The following SMURF1 variants were observed in gnomAD, a reference collection of about 807,000 sequenced individuals.
SMURF1 encodes the protein E3 ubiquitin-protein ligase SMURF1.
In SMURF1, 44 loss-of-function variants were observed where a neutral mutation model predicts 98.0. That is an observed-to-expected ratio of 0.45 (90% CI 0.35 to 0.58). SMURF1 has a LOEUF of 0.58. Among genes scored for constraint, SMURF1 ranks in the 20% least tolerant of loss-of-function variants. SMURF1 has a pLI of 0.00. For synonymous variants in SMURF1, 396 were observed against 374.9 expected (o/e 1.06, Z -0.65); for missense variants, 687 against 938.4 (o/e 0.73, Z 3.50).
chr7:99,055,547 G>C (rs1795857821), intron 5 of SMURF1, among the ~76,000 whole-genome samples: 1 of 152,036 alleles, frequency 6.6e-6, no homozygotes, highest in Non-Finnish European at 1.5e-5. Flanking sequence ...GTGTTGCCCA[G>C]GCTGGCCTCA....
At chr7:99,030,764 A>G (rs894695608) in intron 17 of SMURF1, 81 bp from the exon 18 acceptor site, 2 of 941,678 alleles carry the variant, frequency 2.1e-6, no homozygotes, top group Non-Finnish European at 3.3e-6. Flanking sequence ...GGCAGTGAGA[A>G]GTATATGTGG....
chr7:99,117,062 T>C (rs947216219), intron 1 of SMURF1, among the ~76,000 whole-genome samples: 6 of 152,074 alleles, frequency 3.9e-5, no homozygotes, highest in Non-Finnish European at 5.9e-5. Context: ...GTCAATTTTT[T>C]TTTTCAAGAG....
At position 99,052,496 on chromosome 7, in the gene SMURF1, A is replaced by C. The variant is rs142086403; in HGVS notation, c.480-50T>G. On this transcript the variant is annotated intron_variant, in intron 6 of 17. Coordinates refer to ENST00000361368, the MANE Select transcript of SMURF1 (RefSeq NM_181349.3). ...CATGGTGTCACCATGGAGGAGTCACAAGACCAGCGCCTTAGGGCTAGTGTC... is the reference window on the plus strand; with the variant it reads ...CATGGTGTCACCATGGAGGAGTCACCAGACCAGCGCCTTAGGGCTAGTGTC... The C allele has an allele frequency of 1.4e-4, 207 of 1,471,766 alleles. No individual in the cohort carries two copies. In the African/African-American group the frequency reaches 2.6e-3, roughly 18 times the overall value. The allele number at this position is 1,471,766 out of a possible 1,614,324, so 91.2% of individuals were successfully genotyped here.
At chr7:99,082,420 C>A (rs1480147639) in intron 1 of SMURF1, among the ~76,000 whole-genome samples, 1 of 152,168 alleles carries the variant, frequency 6.6e-6, no homozygotes, top group East Asian at 1.9e-4. Flanking sequence ...CAATTTCATT[C>A]TTTTACATGT....
chr7:99,143,843 G>C lies in SMURF1; in HGVS notation c.-63C>G. On this transcript the variant is annotated 5_prime_UTR_variant, in exon 1 of 18. Transcript: ENST00000361368. The stretch of plus-strand genomic sequence containing the variant: ...ACCGCCCCCCAGCCCGGCCCGGCCC[G>C]GCCCCGCCGCCGCCGCCTCAAGGTT... 3 of 1,416,542 alleles carry C rather than the reference G, an allele frequency of 2.1e-6. No homozygotes were observed. Among genetic ancestry groups the C allele is most frequent in the Non-Finnish European group, 2.8e-6 (3 of 1,073,268 alleles). The allele number at this position is 1,416,542 out of a possible 1,614,324, so 87.7% of individuals were successfully genotyped here. A position where few individuals can be genotyped will look rare whatever the true frequency, so the allele number is the denominator to read the frequency against.
In SMURF1 at chr7:99,121,089, T is replaced by C. The variant is rs1584201765; in HGVS notation, c.55+22637A>G. 2.0e-5 allele frequency: 3 copies of C among 151,928 alleles called. No individual in the cohort carries two copies. The East Asian group carries it at 5.8e-4, about 29-fold the overall frequency. 9.4% of individuals were successfully genotyped at this position (151,928 alleles called of 1,614,324 possible). On this transcript the variant is annotated intron_variant, in intron 1 of 17. Coordinates refer to ENST00000361368, the MANE Select transcript of SMURF1 (RefSeq NM_181349.3). ...CATCAAGATATTGAAATTAACACTG[T>C]CTCCAACAGAGTTCTCTAACACTGA... is the stretch of plus-strand genomic sequence containing the variant.
At chr7:99,121,953 G>T (rs1226173247) in intron 1 of SMURF1, among the ~76,000 whole-genome samples, 1 of 152,178 alleles carries the variant, frequency 6.6e-6, no homozygotes, top group Non-Finnish European at 1.5e-5. Context: ...CCTTCACTGC[G>T]CCATCTTGGT....
At chr7:99,042,519 C>T (rs755440528) in intron 11 of SMURF1, among the ~76,000 whole-genome samples, 3 of 152,130 alleles carry the variant, frequency 2.0e-5, no homozygotes, top group Non-Finnish European at 2.9e-5. Flanking sequence ...AAATGATCCA[C>T]CCATCTCGGC....
At chr7:99,056,666 T>G (rs1231620810) in intron 5 of SMURF1, among the ~76,000 whole-genome samples, 2 of 152,116 alleles carry the variant, frequency 1.3e-5, no homozygotes, top group Non-Finnish European at 2.9e-5. Flanking sequence ...ATTCTAACCC[T>G]AAATCTTTCT....
intron 1 of SMURF1, among the ~76,000 whole-genome samples, chr7:99,068,779 T>C (rs565137518): frequency 2.6e-5 from 4 of 152,296 alleles, no homozygotes; most frequent in African/African-American, 9.6e-5. Context: ...CCTCATGGTA[T>C]AGCTTGGATT....
At position 99,128,093 on chromosome 7, in the gene SMURF1, T is replaced by A. The variant is rs376890541; in HGVS notation, c.55+15633A>T. Among the ~76,000 whole-genome samples the A allele has an allele frequency of 2.6e-5, 4 of 152,040 alleles. No individual in the cohort carries two copies. In the South Asian group the frequency reaches 6.2e-4, roughly 24 times the overall value. ...ACCCTCTGGGGTTTCCAAAAAAAAA[T>A]AATATCGCTGTTTCAGAATGCATTA... On this transcript the variant is annotated intron_variant, in intron 1 of 17. Transcript: ENST00000361368.
intron 1 of SMURF1, among the ~76,000 whole-genome samples, chr7:99,064,092 A>G (rs1214589138): frequency 1.3e-5 from 2 of 152,168 alleles, no homozygotes; most frequent in Non-Finnish European, 2.9e-5. Flanking sequence ...AAGTTGTTAA[A>G]CCAACCCTGC....
Position 99,030,144 on chromosome 7 carries a change from GA to G in SMURF1, c.*439del. The stretch of plus-strand genomic sequence containing the variant: ...AAGATATCTAGCAGCTGCTCAAATT[GA>G]AAAGGGGCCTCAAGGCTGTTTTGAG... On this transcript the variant is annotated 3_prime_UTR_variant, in exon 18 of 18. Coordinates refer to ENST00000361368, the MANE Select transcript of SMURF1 (RefSeq NM_181349.3). 1 of 159,222 alleles carries G rather than the reference GA, an allele frequency of 6.3e-6. No homozygotes were observed. Among genetic ancestry groups the G allele is most frequent in the Non-Finnish European group, 1.4e-5 (1 of 71,810 alleles). 9.9% of individuals were successfully genotyped at this position (159,222 alleles called of 1,614,324 possible).
At chr7:99,047,971 A>T in intron 9 of SMURF1, 89 bp from the exon 10 acceptor site, 1 of 1,192,960 alleles carries the variant, frequency 8.4e-7, no homozygotes, top group Non-Finnish European at 1.2e-6. Flanking sequence ...CAGAGGAGAG[A>T]GCTAGCTGCA....
rs750023203 is a variant in SMURF1, at chr7:99,058,179, C to T, written c.204-628G>A. 5.3e-5 allele frequency among the ~76,000 whole-genome samples: 8 copies of T among 151,798 alleles called. No individual in the cohort carries two copies. In the South Asian group the frequency reaches 6.3e-4, roughly 12 times the overall value. On this transcript the variant is annotated intron_variant, in intron 3 of 17. Coordinates refer to ENST00000361368, the MANE Select transcript of SMURF1 (RefSeq NM_181349.3). ...GGAATTTTGCTCTTGTCGCCCAGGC[C>T]GGAGTGCAATGGCGCAGTGTTAGCT...
intron 1 of SMURF1, among the ~76,000 whole-genome samples, chr7:99,091,516 A>C (rs995346788): frequency 6.6e-6 from 1 of 152,172 alleles, no homozygotes; most frequent in African/African-American, 2.4e-5. Context: ...AACAGTTAAG[A>C]GGGGAAAAGG....
At chr7:99,073,117 C>G (rs770228409) in intron 1 of SMURF1, among the ~76,000 whole-genome samples, 1 of 152,168 alleles carries the variant, frequency 6.6e-6, no homozygotes, top group African/African-American at 2.4e-5. Context: ...GTGGCTCATG[C>G]CTGTAATCCC....
At chr7:99,044,747 A>G in intron 11 of SMURF1, among the ~76,000 whole-genome samples, 1 of 152,240 alleles carries the variant, frequency 6.6e-6, no homozygotes, top group East Asian at 1.9e-4. Flanking sequence ...CATGAGAGTA[A>G]CTAGAGTCAG....
chr7:99,072,700 C>T (rs1231764235), intron 1 of SMURF1, among the ~76,000 whole-genome samples: 1 of 152,106 alleles, frequency 6.6e-6, no homozygotes, highest in African/African-American at 2.4e-5. Flanking sequence ...AGGTAATACA[C>T]TGCAAAAACC....
Sources: gnomAD v4.1 joint callset for allele counts (sites outside exome capture counted in the v4.1 genomes callset) on GRCh38, gnomAD v4.1.1 for gene constraint, MANE v1.5 for transcripts, NCBI Gene and HGNC (gene_info 2026-07-23, HGNC 2026-07-21) for gene names.